The following CYP4B1 variants were observed in gnomAD, a reference collection of about 807,000 sequenced individuals.
The protein encoded by CYP4B1 is cytochrome P450 4B1.
CYP4B1 carries 45 observed loss-of-function variants against 54.0 expected under a neutral mutation model. The ratio of observed to expected loss-of-function variants is 0.83; its 90% confidence interval spans 0.66 to 1.07. The LOEUF is 1.07. CYP4B1 is among the 50% of genes least tolerant of loss of function. The pLI is 0.00. For missense variants in CYP4B1, 656 were observed against 655.4 expected, an observed-to-expected ratio of 1.00 and a Z score of -0.01; for synonymous variants, 248 against 247.5, an observed-to-expected ratio of 1.00 and a Z score of -0.02.
rs116452733 is a variant in CYP4B1, at chr1:46,815,549, C to T, written c.1073+285C>T. The T allele has an allele frequency of 1.7e-3, 489 of 282,226 alleles. 1 individual carries two copies. Among genetic ancestry groups the T allele is most frequent in the African/African-American group, 9.8e-3 (449 of 45,802 alleles). 17.5% of individuals were successfully genotyped at this position (282,226 alleles called of 1,614,324 possible). ...TGCTAACTTCTTCTGACGGTAGAAC[C>T]TGATTACCCTTCTGGGTCCCTGGAT... On this transcript the variant is annotated intron_variant, in intron 8 of 11. Coordinates refer to ENST00000371923, the MANE Select transcript of CYP4B1 (RefSeq NM_001099772.2).
chr1:46,813,843 G>A, intron 5 of CYP4B1, 66 bp from the exon 6 acceptor site: 4 of 1,574,760 alleles, frequency 2.5e-6, no homozygotes, highest in Non-Finnish European at 3.5e-6. Flanking sequence ...TTCCTGGAAT[G>A]GAGTTTCTCT....
Position 46,813,952 on chromosome 1 carries a change from T to A in CYP4B1, c.664T>A (p.Leu222Met). 4 of 1,614,188 alleles carry A rather than the reference T, an allele frequency of 2.5e-6. No individual in the cohort carries two copies. Among genetic ancestry groups the A allele is most frequent in the Non-Finnish European group, 3.4e-6 (4 of 1,180,014 alleles). ...CCTTGCAGTCAGCGATCTCACTCTG[T>A]TGATGCAGCAGCGCCTTGTGTCCTT... ...YYLAVSDLTL[L>M]MQQRLVSFQY... The change falls in exon 6 of 12, where the codon TTG (leucine) becomes ATG (methionine). Residue 222 changes from leucine (L) to methionine (M), a missense_variant. Physicochemically the swap from Leu to Met is conservative, Grantham distance 15 (BLOSUM62 2). Transcript: ENST00000371923.
intron 8 of CYP4B1, 117 bp from the exon 9 acceptor site, chr1:46,816,931 C>T: frequency 8.2e-7 from 1 of 1,218,976 alleles, no homozygotes. Flanking sequence ...GAACTCTGTG[C>T]CTCTGACTCT....
chr1:46,815,731 C>T (rs1164244769), intron 8 of CYP4B1, among the ~76,000 whole-genome samples: 4 of 152,150 alleles, frequency 2.6e-5, no homozygotes, highest in Admixed American at 2.6e-4. Flanking sequence ...AAAGACTTCC[C>T]CAAACTTCAT....
At chr1:46,811,246 G>A in intron 3 of CYP4B1, 62 bp downstream of exon 3, 4 of 1,546,324 alleles carry the variant, frequency 2.6e-6, no homozygotes, top group Non-Finnish European at 3.6e-6. Flanking sequence ...GGGTGACTAG[G>A]ATCCTGGCCT....
At chr1:46,802,799 G>C (rs1325229571) in intron 1 of CYP4B1, among the ~76,000 whole-genome samples, 1 of 152,184 alleles carries the variant, frequency 6.6e-6, no homozygotes, top group South Asian at 2.1e-4. Flanking sequence ...TGGGCCTAGA[G>C]AAGGGCCCCT....
At chr1:46,814,992 A>G (rs1239806942) in intron 7 of CYP4B1, 82 bp from the exon 8 acceptor site, 6 of 1,307,740 alleles carry the variant, frequency 4.6e-6, no homozygotes, top group Non-Finnish European at 6.6e-6. Flanking sequence ...AGAGACCTTC[A>G]TTTGACAACC....
At chr1:46,809,444 A>G (rs1679007685) in intron 1 of CYP4B1, among the ~76,000 whole-genome samples, 1 of 152,256 alleles carries the variant, frequency 6.6e-6, no homozygotes, top group Non-Finnish European at 1.5e-5. Flanking sequence ...CAATTGTGAG[A>G]GAGAATTTTA....
At chr1:46,813,228 G>T (rs1312242448) in intron 4 of CYP4B1, among the ~76,000 whole-genome samples, 1 of 152,232 alleles carries the variant, frequency 6.6e-6, no homozygotes, top group Non-Finnish European at 1.5e-5. Context: ...CTGACTGGGA[G>T]AAAACGTCTG....
At chr1:46,817,894 C>T (rs948592425) in intron 9 of CYP4B1, 71 bp from the exon 10 acceptor site, 4 of 1,400,826 alleles carry the variant, frequency 2.9e-6, no homozygotes, top group Non-Finnish European at 4.1e-6. Context: ...CACTAGGGGA[C>T]TCTGACCTTA....
chr1:46,818,733 CA>C lies in CYP4B1; in HGVS notation c.1460del (p.Lys487ArgfsTer17). On this transcript the variant is annotated frameshift_variant, in exon 12 of 12. Coordinates refer to ENST00000371923, the MANE Select transcript of CYP4B1 (RefSeq NM_001099772.2). LOFTEE classifies it low-confidence loss of function (END_TRUNC). ...FSLDPSRLPI[K>X]MPQLVLRSKN... ...CTCTGGACCCCTCACGGCTGCCCATCAAGATGCCCCAGCTTGTCCTGCGCTC... is the reference window on the plus strand; with the variant it reads ...CTCTGGACCCCTCACGGCTGCCCATCAGATGCCCCAGCTTGTCCTGCGCTC... 1 of 1,614,220 alleles carries C rather than the reference CA, an allele frequency of 6.2e-7. No individual in the cohort carries two copies. Among genetic ancestry groups the C allele is most frequent in the Non-Finnish European group, 8.5e-7 (1 of 1,180,040 alleles).
rs1569899070 is a variant in CYP4B1 at position 46,813,484 on chromosome 1, C to G, written c.498C>G (p.Asp166Glu). Reference protein sequence around the residue: ...VFTESTRIMLDKWEEKAREGK... With the variant: ...VFTESTRIMLEKWEEKAREGK... ...TGCCTCCTATCCCTGGACTCCAGGA[C>G]AAGTGGGAAGAGAAAGCTCGGGAGG... The change falls in exon 5 of 12, where the codon GAC becomes GAG. Residue 166 changes from aspartate (D) to glutamate (E), a missense_variant and splice_region_variant. Coordinates refer to ENST00000371923, the MANE Select transcript of CYP4B1 (RefSeq NM_001099772.2). 3.7e-6 allele frequency: 6 copies of G among 1,614,138 alleles called. No individual in the cohort carries two copies. The highest frequency in any genetic ancestry group is 5.1e-6 in the Non-Finnish European group (6 of 1,180,020).
In CYP4B1 at chr1:46,810,890, T is replaced by C. The variant is rs1679068962; in HGVS notation, c.263T>C (p.Phe88Ser). 2.0e-5 allele frequency: 32 copies of C among 1,614,152 alleles called. No individual in the cohort carries two copies. Among genetic ancestry groups the C allele is most frequent in the Non-Finnish European group, 2.7e-5 (32 of 1,180,026 alleles). Reference sequence around the variant, plus strand: ...GCCCACCCACTCTGGTTCGGACAGTTCATTGGCTTCCTGAACATCTATGAG... The same window carrying C: ...GCCCACCCACTCTGGTTCGGACAGTCCATTGGCTTCCTGAACATCTATGAG... ...PYAHPLWFGQ[F>S]IGFLNIYEPD... The change falls in exon 2 of 12, where the codon TTC becomes TCC. Residue 88 changes from phenylalanine (F) to serine (S), a missense_variant. Coordinates refer to ENST00000371923, the MANE Select transcript of CYP4B1 (RefSeq NM_001099772.2).
chr1:46,817,562 GTGTTAAGCC>G (rs1328294224), intron 9 of CYP4B1, among the ~76,000 whole-genome samples: 4 of 152,212 alleles, frequency 2.6e-5, no homozygotes, highest in African/African-American at 9.7e-5. Flanking sequence ...TTCATAAAGA[GTGTTAAGCC>G]TGTACCTGGT....
In CYP4B1 at chr1:46,804,174, A is replaced by T. The variant is rs539973777; in HGVS notation, c.180+4913A>T. Among the ~76,000 whole-genome samples the T allele has an allele frequency of 7.9e-5, 12 of 152,224 alleles. No individual in the cohort carries two copies. In the East Asian group the frequency reaches 2.3e-3, roughly 30 times the overall value. On this transcript the variant is annotated intron_variant, in intron 1 of 11. Coordinates refer to ENST00000371923, the MANE Select transcript of CYP4B1 (RefSeq NM_001099772.2). ...CTGGAGGAACAAAGAGTGGGTGAGG[A>T]GCTGCCCATGGCAGCCACTGGGAGA...
chr1:46,814,446 C>T, intron 7 of CYP4B1, 131 bp downstream of exon 7: 3 of 700,902 alleles, frequency 4.3e-6, no homozygotes, highest in Non-Finnish European at 7.3e-6. Context: ...GTTCCTCGTC[C>T]CATGAAACAT....
Position 46,817,982 on chromosome 1 carries a change from C to CA in CYP4B1, c.1226dup (p.His409GlnfsTer7), listed in dbSNP as rs754957856. ...GCCCACAGGAAGCCTGATCTCTATG[C>CA]ATATCTATGCCCTCCATAGGAACAG... On this transcript the variant is annotated frameshift_variant, in exon 10 of 12. Coordinates refer to ENST00000371923, the MANE Select transcript of CYP4B1 (RefSeq NM_001099772.2). LOFTEE classifies it high-confidence loss of function. The CA allele has an allele frequency of 2.5e-6, 4 of 1,614,182 alleles. No homozygotes were observed. The South Asian group carries it at 4.4e-5, about 18-fold the overall frequency.
intron 7 of CYP4B1, chr1:46,814,709 T>C (rs1422272589): frequency 2.9e-6 from 1 of 344,740 alleles, no homozygotes; most frequent in African/African-American, 2.1e-5. Flanking sequence ...GATGCAGAGA[T>C]GGGAAAGACC....
chr1:46,815,816 C>G (rs1293992593), intron 8 of CYP4B1, among the ~76,000 whole-genome samples: 1 of 152,208 alleles, frequency 6.6e-6, no homozygotes, highest in Non-Finnish European at 1.5e-5. Flanking sequence ...AGGATTGACC[C>G]TGACCTCTCT....
Sources: gnomAD v4.1 joint callset for allele counts (sites outside exome capture counted in the v4.1 genomes callset) on GRCh38, gnomAD v4.1.1 for gene constraint, MANE v1.5 for transcripts, NCBI Gene and HGNC (gene_info 2026-07-23, HGNC 2026-07-21) for gene names.